The following PARD3B variants were observed in gnomAD, a reference collection of about 807,000 sequenced individuals.
PARD3B encodes par-3 family cell polarity regulator beta.
PARD3B carries 103 observed loss-of-function variants against 130.2 expected under a neutral mutation model. That is an observed-to-expected ratio of 0.79 (90% CI 0.67 to 0.93). The LOEUF is 0.93. Among genes scored for constraint, PARD3B ranks in the 40% least tolerant of loss-of-function variants. The probability of loss-of-function intolerance (pLI) is 0.00; values close to 1 mark genes in which losing one functional copy is unlikely to be tolerated. For synonymous variants in PARD3B, 583 were observed against 553.2 expected (o/e 1.05, Z -0.76); for missense variants, 1,609 against 1,499.2 (o/e 1.07, Z -1.21).
intron 3 of PARD3B, among the ~76,000 whole-genome samples, chr2:205,037,287 T>C (rs1274443100): frequency 7.7e-6 from 1 of 129,036 alleles, no homozygotes; most frequent in Non-Finnish European, 1.7e-5. Flanking sequence ...AATATATATA[T>C]ATAGTGGACT....
At chr2:205,537,101 G>A (rs2051896589) in intron 21 of PARD3B, among the ~76,000 whole-genome samples, 1 of 151,970 alleles carries the variant, frequency 6.6e-6, no homozygotes, top group Non-Finnish European at 1.5e-5. Context: ...TACCTCTTAG[G>A]GATGTTAAGA....
Position 205,473,906 on chromosome 2 carries a change from C to T in PARD3B, c.3045-25990C>T, listed in dbSNP as rs182983266. ...TTTGCAAGCTTGATCTTCAACCTCA[C>T]TTATGTCCCCATGACAACCTTTCTT... On this transcript the variant is annotated intron_variant, in intron 20 of 22. Coordinates refer to ENST00000406610, the MANE Select transcript of PARD3B (RefSeq NM_001302769.2). This position sits in a 1 kb window ranked among gnomAD's most constrained non-coding sequence, Gnocchi z 4.9. Among the ~76,000 whole-genome samples, 7 of 139,648 alleles carry T rather than the reference C, an allele frequency of 5.0e-5. No individual in the cohort carries two copies. In the East Asian group the frequency reaches 1.4e-3, roughly 27 times the overall value. 91.6% of individuals were successfully genotyped at this position (139,648 alleles called of 152,430 possible). A position where few individuals can be genotyped will look rare whatever the true frequency, so the allele number is the denominator to read the frequency against.
intron 4 of PARD3B, among the ~76,000 whole-genome samples, chr2:205,052,954 C>T (rs1046949476): frequency 1.3e-5 from 2 of 152,034 alleles, no homozygotes; most frequent in Non-Finnish European, 2.9e-5. Flanking sequence ...GGAAGTGTTT[C>T]CAGTTGTCCT....
chr2:204,561,397 C>A lies in PARD3B; in HGVS notation c.120+15278C>A, dbSNP rs1017944388. On this transcript the variant is annotated intron_variant, in intron 1 of 22. Transcript: ENST00000406610. ...TCCGGACCCGCTCTTGTCCCTTTTC[C>A]AGTCCCCTCTGTGACCCAGGAGGCT... is the stretch of plus-strand genomic sequence containing the variant. Among the ~76,000 whole-genome samples, 3 of 152,132 alleles carry A rather than the reference C, an allele frequency of 2.0e-5. No homozygotes were observed. The East Asian group carries it at 5.8e-4, about 29-fold the overall frequency.
chr2:204,956,636 T>G (rs1690263594), intron 2 of PARD3B, among the ~76,000 whole-genome samples: 1 of 152,084 alleles, frequency 6.6e-6, no homozygotes, highest in South Asian at 2.1e-4. Flanking sequence ...AAAAAATTAG[T>G]CTATGTAGCT....
intron 21 of PARD3B, among the ~76,000 whole-genome samples, chr2:205,524,391 A>G (rs2051239139): frequency 6.6e-6 from 1 of 152,170 alleles, no homozygotes; most frequent in Non-Finnish European, 1.5e-5. Flanking sequence ...TTAGAAGTTC[A>G]GCAGCTGAGA....
intron 15 of PARD3B, among the ~76,000 whole-genome samples, chr2:205,238,658 C>T (rs547366931): frequency 4.6e-4 from 69 of 150,512 alleles, no homozygotes; most frequent in African/African-American, 1.7e-3. Flanking sequence ...ATGGTGAAAC[C>T]CCGTCTTTAC....
intron 18 of PARD3B, among the ~76,000 whole-genome samples, chr2:205,387,652 G>T (rs776763036): frequency 1.3e-5 from 2 of 152,166 alleles, no homozygotes; most frequent in Non-Finnish European, 2.9e-5. Flanking sequence ...CACAAATACT[G>T]TGGGTTTCTA....
chr2:205,111,047 G>T (rs1463152513), intron 5 of PARD3B, among the ~76,000 whole-genome samples: 6 of 151,902 alleles, frequency 3.9e-5, no homozygotes. Flanking sequence ...TATGTGAACT[G>T]GTCCATGGGG....
chr2:204,719,318 G>T (rs1201535244), intron 2 of PARD3B, among the ~76,000 whole-genome samples: 1 of 152,158 alleles, frequency 6.6e-6, no homozygotes, highest in Non-Finnish European at 1.5e-5. Flanking sequence ...AAGCCTAGTG[G>T]ATTAGCAAAC....
intron 19 of PARD3B, among the ~76,000 whole-genome samples, chr2:205,427,063 G>A (rs1375852949): frequency 5.3e-5 from 8 of 152,262 alleles, no homozygotes; most frequent in South Asian, 4.1e-4. Flanking sequence ...AAACTTCACC[G>A]AAATATGACT....
chr2:205,588,283 A>C (rs1329542622), intron 22 of PARD3B, among the ~76,000 whole-genome samples: 4 of 152,194 alleles, frequency 2.6e-5, no homozygotes, highest in African/African-American at 9.7e-5. Context: ...TCTAACATAA[A>C]TGCATAAAGC....
chr2:205,250,218 T>C (rs1053725045), intron 16 of PARD3B, among the ~76,000 whole-genome samples: 1 of 151,732 alleles, frequency 6.6e-6, no homozygotes, highest in Non-Finnish European at 1.5e-5. Context: ...AATTTTACTT[T>C]TTTTAGTGTC....
intron 22 of PARD3B, among the ~76,000 whole-genome samples, chr2:205,582,723 G>A (rs1008049411): frequency 5.9e-5 from 9 of 151,600 alleles, no homozygotes; most frequent in South Asian, 2.1e-4. Flanking sequence ...AGGGAAAGGA[G>A]ATTGGGAGCT....
chr2:204,792,611 A>C (rs565135723), intron 2 of PARD3B, among the ~76,000 whole-genome samples: 2 of 152,072 alleles, frequency 1.3e-5, no homozygotes, highest in Non-Finnish European at 1.5e-5. Flanking sequence ...CCAGCATTCT[A>C]TCTCCACCAC....
At chr2:204,593,627 TG>T (rs2125096893) in intron 1 of PARD3B, among the ~76,000 whole-genome samples, 1 of 152,338 alleles carries the variant, frequency 6.6e-6, no homozygotes, top group African/African-American at 2.4e-5. Flanking sequence ...TACTTTTATT[TG>T]GCTCTATTTA....
rs1474703111 is a variant in PARD3B, at chr2:205,287,673, T to C, written c.2186-12857T>C. Among the ~76,000 whole-genome samples, 1 of 151,988 alleles carries C rather than the reference T, an allele frequency of 6.6e-6. No individual in the cohort carries two copies. Among genetic ancestry groups the C allele is most frequent in the Non-Finnish European group, 1.5e-5 (1 of 68,008 alleles). ...AGGATGCTCATTTTAGATAGAATAATGGGTGCCGGCTAGGAAAAAGAATGG... is the reference window on the plus strand; with the variant it reads ...AGGATGCTCATTTTAGATAGAATAACGGGTGCCGGCTAGGAAAAAGAATGG... On this transcript the variant is annotated intron_variant, in intron 16 of 22. Transcript: ENST00000406610. This position sits in a 1 kb window ranked among gnomAD's most constrained non-coding sequence, Gnocchi z 4.8.
chr2:204,733,593 A>G (rs1360498716), intron 2 of PARD3B, among the ~76,000 whole-genome samples: 1 of 151,910 alleles, frequency 6.6e-6, no homozygotes, highest in African/African-American at 2.4e-5. Flanking sequence ...ACATTTCTGG[A>G]ACAAGAAAAC....
chr2:204,910,604 C>A (rs2047197142), intron 2 of PARD3B, among the ~76,000 whole-genome samples: 1 of 152,060 alleles, frequency 6.6e-6, no homozygotes, highest in South Asian at 2.1e-4. Flanking sequence ...TAATGTCTTG[C>A]CTATTCCTGT....
Sources: allele counts gnomAD v4.1 joint callset (sites outside exome capture counted in the v4.1 genomes callset), GRCh38; gene constraint gnomAD v4.1.1; non-coding constraint Gnocchi (gnomAD v3.1); transcripts MANE v1.5; gene names NCBI Gene and HGNC (gene_info 2026-07-23, HGNC 2026-07-21).